The following RNF114 variants were observed in gnomAD, a reference collection of about 807,000 sequenced individuals.
RNF114 encodes the protein ring finger protein 114.
A neutral mutation model predicts 28.4 loss-of-function variants in RNF114; 6 were observed. That is an observed-to-expected ratio of 0.21 (90% confidence interval 0.12 to 0.42). The LOEUF (loss-of-function observed/expected upper bound fraction) is 0.42. RNF114 is among the 10% of genes least tolerant of loss of function. The pLI is 1.00. For missense variants in RNF114, 249 were observed against 311.7 expected (o/e 0.80, Z 1.51); for synonymous variants, 115 against 116.7 (o/e 0.99, Z 0.09).
chr20:49,951,389 A>G (rs927393425), intron 5 of RNF114, among the ~76,000 whole-genome samples: 1 of 151,974 alleles, frequency 6.6e-6, no homozygotes, highest in African/African-American at 2.4e-5. Context: ...GCTGTATTGT[A>G]TGGCTCTAAA....
intron 1 of RNF114, among the ~76,000 whole-genome samples, chr20:49,936,872 C>T (rs2090289297): frequency 6.6e-6 from 1 of 152,196 alleles, no homozygotes; most frequent in African/African-American, 2.4e-5. Flanking sequence ...ACTTTAGGCT[C>T]CGAAGTCCGC....
chr20:49,941,834 C>T (rs1293841608), intron 2 of RNF114, 123 bp downstream of exon 2: 4 of 957,372 alleles, frequency 4.2e-6, no homozygotes, highest in Non-Finnish European at 6.2e-6. Flanking sequence ...GCGTGCATGC[C>T]AATTACCTGT....
chr20:49,951,256 G>T (rs1402840885), intron 5 of RNF114, among the ~76,000 whole-genome samples: 3 of 151,072 alleles, frequency 2.0e-5, no homozygotes, highest in Non-Finnish European at 4.4e-5. Context: ...CAGAATAACT[G>T]CCCTTTTTGT....
intron 5 of RNF114, among the ~76,000 whole-genome samples, chr20:49,950,214 G>T (rs911373699): frequency 6.6e-6 from 1 of 151,850 alleles, no homozygotes; most frequent in African/African-American, 2.4e-5. Flanking sequence ...TCGTGCCACT[G>T]CACTCCAGCC....
intron 5 of RNF114, among the ~76,000 whole-genome samples, chr20:49,949,886 G>A (rs1484379629): frequency 6.6e-6 from 1 of 151,480 alleles, no homozygotes; most frequent in Non-Finnish European, 1.5e-5. Flanking sequence ...CTCGTGATCT[G>A]CCCACCTTGG....
At chr20:49,951,994 C>A in intron 5 of RNF114, 82 bp from the exon 6 acceptor site, 1 of 1,210,742 alleles carries the variant, frequency 8.3e-7, no homozygotes, top group Non-Finnish European at 1.2e-6. Flanking sequence ...GATCCAGTTG[C>A]TAGGCTGTCC....
chr20:49,949,980 A>G (rs1008054710), intron 5 of RNF114, among the ~76,000 whole-genome samples: 5 of 141,960 alleles, frequency 3.5e-5, no homozygotes, highest in Non-Finnish European at 6.2e-5. Flanking sequence ...GGCTGGGCGC[A>G]GTGGCTCACA....
chr20:49,936,747 C>T (rs2090288634), intron 1 of RNF114, among the ~76,000 whole-genome samples, 195 bp downstream of exon 1: 1 of 152,104 alleles, frequency 6.6e-6, no homozygotes, highest in South Asian at 2.1e-4. Context: ...TCCTAAGTAT[C>T]CCGTTCCTCC....
At position 49,940,702 on chromosome 20, in the gene RNF114, C is replaced by T. The variant is rs563243539; in HGVS notation, c.141-859C>T. On this transcript the variant is annotated intron_variant, in intron 1 of 5. Coordinates refer to ENST00000244061, the MANE Select transcript of RNF114 (RefSeq NM_018683.4). ...TGCTGGGATTACAGGCATGAGCCAC[C>T]GCGCCTGGCTGAGCTGAACCCTTTT... 1.4e-4 allele frequency among the ~76,000 whole-genome samples: 21 copies of T among 151,964 alleles called. No individual in the cohort carries two copies. In the South Asian group the frequency reaches 3.5e-3, roughly 26 times the overall value.
Position 49,951,982 on chromosome 20 carries a change from C to T in RNF114, c.622-94C>T, listed in dbSNP as rs369237579. 1,436 of 1,054,306 alleles carry T rather than the reference C, an allele frequency of 1.4e-3. 10 individuals carry two copies. In the Middle Eastern group the frequency reaches 0.021, roughly 15 times the overall value. 65.3% of individuals were successfully genotyped at this position (1,054,306 alleles called of 1,614,324 possible). A position where few individuals can be genotyped will look rare whatever the true frequency, so the allele number is the denominator to read the frequency against. On this transcript the variant is annotated intron_variant, in intron 5 of 5. Coordinates refer to ENST00000244061, the MANE Select transcript of RNF114 (RefSeq NM_018683.4). Reference sequence around the variant, plus strand: ...GGATCCGGTCCCTGGCAACCTGCTCCGGATCCAGTTGCTAGGCTGTCCTGC... The same window carrying T: ...GGATCCGGTCCCTGGCAACCTGCTCTGGATCCAGTTGCTAGGCTGTCCTGC...
chr20:49,941,812 C>T (rs2090309146), intron 2 of RNF114, 101 bp downstream of exon 2: 2 of 1,245,560 alleles, frequency 1.6e-6, no homozygotes, highest in Non-Finnish European at 1.1e-6. Flanking sequence ...ATGACTAGGT[C>T]ACTAACAGCA....
intron 1 of RNF114, among the ~76,000 whole-genome samples, chr20:49,937,053 C>T (rs1288214639): frequency 6.6e-6 from 1 of 152,106 alleles, no homozygotes; most frequent in Non-Finnish European, 1.5e-5. Context: ...GGCCAGTTTG[C>T]CCTTAGCTGT....
rs758263342 is a variant in RNF114 at position 49,952,060 on chromosome 20, C to T, written c.622-16C>T. 8.7e-6 allele frequency: 14 copies of T among 1,607,882 alleles called. No individual in the cohort carries two copies. Among genetic ancestry groups the T allele is most frequent in the South Asian group, 6.6e-5 (6 of 90,934 alleles). The stretch of plus-strand genomic sequence containing the variant: ...AGAAACAGTTGCTGAGGCTGCATGT[C>T]TCTTTTTGCCCTTAGGATTATGATG... On this transcript the variant is annotated splice_polypyrimidine_tract_variant and intron_variant, in intron 5 of 5. Transcript: ENST00000244061.
rs6067277 is a variant in RNF114 at position 49,943,040 on chromosome 20, G to A, written c.291+1329G>A. On this transcript the variant is annotated intron_variant, in intron 2 of 5. Transcript: ENST00000244061. ...CAGGTTTTTTTTCTCTTACATATTGGACAGCCTTGCATGTCAGTTTCATTA... is the reference window on the plus strand; with the variant it reads ...CAGGTTTTTTTTCTCTTACATATTGAACAGCCTTGCATGTCAGTTTCATTA... Among the ~76,000 whole-genome samples, 444 of 151,048 alleles carry A rather than the reference G, an allele frequency of 2.9e-3. 3 individuals are homozygous for A. The highest frequency in any genetic ancestry group is 6.8e-3 in the Middle Eastern group (2 of 292).
chr20:49,936,658 G>C, intron 1 of RNF114, 106 bp downstream of exon 1: 1 of 1,389,696 alleles, frequency 7.2e-7, no homozygotes, highest in South Asian at 1.4e-5. Context: ...CCACCCAGAG[G>C]GGCCTCCCGG....
intron 5 of RNF114, among the ~76,000 whole-genome samples, chr20:49,950,006 C>T (rs2090349288): frequency 6.8e-6 from 1 of 147,510 alleles, no homozygotes; most frequent in South Asian, 2.5e-4. Flanking sequence ...AATCCCAGCA[C>T]TTTGGGAGGC....
intron 1 of RNF114, among the ~76,000 whole-genome samples, chr20:49,938,883 C>A (rs1246986107): frequency 6.6e-6 from 1 of 152,236 alleles, no homozygotes; most frequent in Non-Finnish European, 1.5e-5. Context: ...ACCCTCTGTG[C>A]TCTCTTGGGT....
chr20:49,943,118 C>G (rs1432783077), intron 2 of RNF114, among the ~76,000 whole-genome samples: 1 of 152,026 alleles, frequency 6.6e-6, no homozygotes, highest in Non-Finnish European at 1.5e-5. Context: ...TTACCATCTC[C>G]TTTTCAGCGT....
chr20:49,943,465 A>G (rs1042873361), intron 2 of RNF114, among the ~76,000 whole-genome samples: 25 of 152,098 alleles, frequency 1.6e-4, no homozygotes, highest in African/African-American at 6.0e-4. Context: ...TAGTGGACCC[A>G]GTTTCTACAA....
Sources: allele counts gnomAD v4.1 joint callset (sites outside exome capture counted in the v4.1 genomes callset), GRCh38; gene constraint gnomAD v4.1.1; transcripts MANE v1.5; gene names NCBI Gene and HGNC (gene_info 2026-07-23, HGNC 2026-07-21).